Variants in COL18A1 observed in about 807,000 individuals in gnomAD.
The protein encoded by COL18A1 is collagen type XVIII alpha 1 chain, also known as collagen alpha-1(XVIII) chain.
Under a neutral mutation model 168.0 loss-of-function variants are expected in COL18A1, and 133 were observed. The ratio of observed to expected loss-of-function variants is 0.79; its 90% confidence interval spans 0.69 to 0.91. The LOEUF is 0.91. Among genes scored for constraint, COL18A1 ranks in the 40% least tolerant of loss-of-function variants. The probability of loss-of-function intolerance (pLI) is 0.00; values close to 1 mark genes in which losing one functional copy is unlikely to be tolerated. For synonymous variants in COL18A1, 949 were observed against 809.0 expected (o/e 1.17, Z -2.94); for missense variants, 2,126 against 1,925.4 (o/e 1.10, Z -1.95).
chr21:45,445,319 C>T (rs1194017660), intron 2 of COL18A1, among the ~76,000 whole-genome samples: 1 of 152,232 alleles, frequency 6.6e-6, no homozygotes, highest in Non-Finnish European at 1.5e-5. Context: ...AATAATGTCC[C>T]ACCAGGTGGA....
At chr21:45,476,553 G>T (rs2035663289) in intron 6 of COL18A1, 73 bp downstream of exon 6, 27 of 1,520,690 alleles carry the variant, frequency 1.8e-5, no homozygotes, top group Non-Finnish European at 2.3e-5. Context: ...TTTGTGTGAT[G>T]GTGAGGTATG....
rs780129279 is a variant in COL18A1, at chr21:45,505,119, TGTC to T, written c.2869-13_2869-11del. 1.2e-6 allele frequency: 2 copies of T among 1,606,626 alleles called. No individual in the cohort carries two copies. The highest frequency in any genetic ancestry group is 2.2e-5 in the South Asian group (2 of 90,480). On this transcript the variant is annotated splice_polypyrimidine_tract_variant and intron_variant, in intron 34 of 41. Transcript: ENST00000651438. ...CACGAGGTAACCAGGAAGCGTCTCTTGTCGCCGTCCGTAGGGTCCCAAGGGAGA... is the reference window on the plus strand; with the variant it reads ...CACGAGGTAACCAGGAAGCGTCTCTTGCCGTCCGTAGGGTCCCAAGGGAGA...
rs2036139824 is a variant in COL18A1 at position 45,487,045 on chromosome 21, C to T, written c.1833+53C>T. ...GGAGAGCCGGGGGCTGCCGTTGCCC[C>T]AGCCCTACTACCCCTGGCATCTCAC... On this transcript the variant is annotated intron_variant, in intron 16 of 41. Coordinates refer to ENST00000651438, the MANE Select transcript of COL18A1 (RefSeq NM_001379500.1). 7 of 1,461,750 alleles carry T rather than the reference C, an allele frequency of 4.8e-6. 1 individual carries two copies. Among genetic ancestry groups the T allele is most frequent in the Admixed American group, 5.0e-5 (2 of 40,018 alleles). 90.5% of individuals were successfully genotyped at this position (1,461,750 alleles called of 1,614,324 possible). A position where few individuals can be genotyped will look rare whatever the true frequency, so the allele number is the denominator to read the frequency against.
chr21:45,494,145 T>C, intron 26 of COL18A1: 1 of 384,034 alleles, frequency 2.6e-6, no homozygotes, highest in Non-Finnish European at 4.9e-6. Context: ...GGGGTGGGCC[T>C]CAGACACAGG....
At chr21:45,455,415 C>G in intron 2 of COL18A1, 4 of 1,458,458 alleles carry the variant, frequency 2.7e-6, no homozygotes, top group Non-Finnish European at 3.8e-6. Context: ...TGGAAGACAG[C>G]CGGCCAGAGG....
chr21:45,437,843 C>T (rs1304339355), intron 2 of COL18A1, among the ~76,000 whole-genome samples: 1 of 67,864 alleles, frequency 1.5e-5, no homozygotes, highest in Non-Finnish European at 2.5e-5. Flanking sequence ...CAAGCACTCT[C>T]CTGCACACAC....
chr21:45,462,742 T>C (rs1040202631), intron 2 of COL18A1, among the ~76,000 whole-genome samples: 3 of 152,244 alleles, frequency 2.0e-5, no homozygotes, highest in Admixed American at 2.0e-4. Flanking sequence ...ATCAGGTCTT[T>C]TGCAGAGACA....
intron 37 of COL18A1, chr21:45,506,220 T>C: frequency 1.9e-6 from 1 of 525,622 alleles, no homozygotes; most frequent in East Asian, 3.4e-5. Flanking sequence ...GTGGGTCATG[T>C]CACAGTGAAC....
intron 2 of COL18A1, chr21:45,456,358 G>T (rs780945725): frequency 6.5e-7 from 1 of 1,550,218 alleles, no homozygotes; most frequent in Non-Finnish European, 8.7e-7. Flanking sequence ...GCAAGCACGC[G>T]GCCCCCTCCG....
At chr21:45,507,314 T>G (rs1328941582) in intron 37 of COL18A1, 1 of 576,378 alleles carries the variant, frequency 1.7e-6, no homozygotes, top group East Asian at 3.1e-5. Flanking sequence ...GAGGGCACCC[T>G]CCTGTGGGCT....
At chr21:45,452,762 ATG>A (rs1249827233) in intron 2 of COL18A1, among the ~76,000 whole-genome samples, 11 of 150,402 alleles carry the variant, frequency 7.3e-5, no homozygotes, top group East Asian at 2.0e-4. Context: ...TTGTGTATGC[ATG>A]TGAGTATTCA....
intron 15 of COL18A1, among the ~76,000 whole-genome samples, chr21:45,483,450 C>T (rs940775378): frequency 1.3e-5 from 2 of 152,146 alleles, no homozygotes; most frequent in African/African-American, 4.8e-5. Flanking sequence ...CTTGACCAGA[C>T]AATTTATCTG....
At chr21:45,452,691 ATG>A (rs3083458) in intron 2 of COL18A1, among the ~76,000 whole-genome samples, 19,395 of 150,460 alleles carry the variant, frequency 0.13, 1,436 homozygotes, top group East Asian at 0.22. Flanking sequence ...GTGAGCATGT[ATG>A]TGAGTTTGTG....
chr21:45,501,251 A>G (rs189791491), intron 32 of COL18A1, among the ~76,000 whole-genome samples: 31 of 152,190 alleles, frequency 2.0e-4, no homozygotes, highest in African/African-American at 7.5e-4. Flanking sequence ...GCCTCAAGAT[A>G]TGACAAGTGA....
chr21:45,495,902 C>T (rs1311352606), intron 29 of COL18A1: 2 of 314,384 alleles, frequency 6.4e-6, no homozygotes, highest in Non-Finnish European at 1.3e-5. Flanking sequence ...ACTATGAGCC[C>T]TCCCTGGCCC....
chr21:45,479,536 C>G (rs9980080), intron 9 of COL18A1, among the ~76,000 whole-genome samples: 10 of 151,204 alleles, frequency 6.6e-5, no homozygotes, highest in African/African-American at 2.5e-4. Flanking sequence ...TACATGCACA[C>G]TCACACATCA....
chr21:45,455,305 G>A (rs531163041), intron 2 of COL18A1, among the ~76,000 whole-genome samples: 1 of 152,264 alleles, frequency 6.6e-6, no homozygotes, highest in South Asian at 2.1e-4. Context: ...CTGCAGGGCC[G>A]TGGGAAAGAA....
In COL18A1 at chr21:45,496,014, A is replaced by G. The variant is rs1021135403; in HGVS notation, c.2509-486A>G. 6 of 356,174 alleles carry G rather than the reference A, an allele frequency of 1.7e-5. No individual in the cohort carries two copies. In the East Asian group the frequency reaches 2.9e-4, roughly 17 times the overall value. 22.1% of individuals were successfully genotyped at this position (356,174 alleles called of 1,614,324 possible). ...CATATATGCACACATGTGCACCCAT[A>G]TACACACATACAACAGGCCCCTGTG... is the stretch of plus-strand genomic sequence containing the variant. On this transcript the variant is annotated intron_variant, in intron 29 of 41. Coordinates refer to ENST00000651438, the MANE Select transcript of COL18A1 (RefSeq NM_001379500.1).
chr21:45,493,665 C>T (rs927895493), intron 26 of COL18A1, 90 bp downstream of exon 26: 25 of 961,128 alleles, frequency 2.6e-5, no homozygotes, highest in Non-Finnish European at 3.7e-5. Flanking sequence ...GGGTCTGGCT[C>T]CTGATGCACG....
Sources: allele counts gnomAD v4.1 joint callset (sites outside exome capture counted in the v4.1 genomes callset), GRCh38; gene constraint gnomAD v4.1.1; transcripts MANE v1.5; gene names NCBI Gene and HGNC (gene_info 2026-07-23, HGNC 2026-07-21).